The following ALOX5 variants were observed in gnomAD, a reference collection of about 807,000 sequenced individuals.
ALOX5 encodes the protein polyunsaturated fatty acid 5-lipoxygenase.
A neutral mutation model predicts 87.9 loss-of-function variants in ALOX5; 64 were observed. The ratio of observed to expected loss-of-function variants is 0.73; its 90% CI spans 0.60 to 0.90. The LOEUF (loss-of-function observed/expected upper bound fraction) is 0.90. ALOX5 is among the 40% of genes least tolerant of loss of function. ALOX5 has a pLI of 0.00. For synonymous variants in ALOX5, 388 were observed against 355.1 expected (o/e 1.09, Z -1.04); for missense variants, 822 against 907.5 (o/e 0.91, Z 1.21).
chr10:45,377,288 G>A (rs529555368), intron 1 of ALOX5, among the ~76,000 whole-genome samples: 6 of 152,018 alleles, frequency 3.9e-5, no homozygotes, highest in South Asian at 2.1e-4. Flanking sequence ...CCCTCAATCC[G>A]TCTCTCATCT....
intron 3 of ALOX5, among the ~76,000 whole-genome samples, chr10:45,396,753 G>A (rs111529049): frequency 6.6e-6 from 1 of 151,986 alleles, no homozygotes; most frequent in Non-Finnish European, 1.5e-5. Flanking sequence ...AAAACTAAAG[G>A]CATCACAAGA....
In ALOX5 at chr10:45,382,519, G is replaced by T. The variant is rs780433165; in HGVS notation, c.187G>T (p.Gly63Cys). 1.9e-6 allele frequency: 3 copies of T among 1,614,186 alleles called. No homozygotes were observed. The Admixed American group carries it at 5.0e-5, about 27-fold the overall frequency. ...CGACGTGACTGTGGACGAGGAACTG[G>T]GCGAGATCCAGCTGGTCAGAATCGA... Reference protein sequence around the residue: ...SYDVTVDEELGEIQLVRIEKR... With the variant: ...SYDVTVDEELCEIQLVRIEKR... Residue 63 changes from glycine to cysteine, a missense_variant, in exon 2 of 14, where the codon GGC becomes TGC. By Grantham distance (159) the Gly-to-Cys change is radical (BLOSUM62 -3). Coordinates refer to ENST00000374391, the MANE Select transcript of ALOX5 (RefSeq NM_000698.5).
chr10:45,434,009 G>T (rs1841990657), intron 7 of ALOX5, among the ~76,000 whole-genome samples: 1 of 152,194 alleles, frequency 6.6e-6, no homozygotes, highest in African/African-American at 2.4e-5. Flanking sequence ...CTTGGCTGTT[G>T]TTTTAGGCTG....
intron 7 of ALOX5, among the ~76,000 whole-genome samples, chr10:45,429,253 TC>T (rs1564442484): frequency 6.6e-6 from 1 of 152,012 alleles, no homozygotes; most frequent in East Asian, 1.9e-4. Flanking sequence ...GGGCTTTGTC[TC>T]CCCCTGTTCC....
chr10:45,411,950 A>G (rs765955657), intron 3 of ALOX5, among the ~76,000 whole-genome samples: 1 of 152,226 alleles, frequency 6.6e-6, no homozygotes, highest in Admixed American at 6.5e-5. Flanking sequence ...CTGTACCACT[A>G]TAAGCCCAGT....
At chr10:45,417,721 C>T (rs749633814) in intron 4 of ALOX5, among the ~76,000 whole-genome samples, 7 of 152,292 alleles carry the variant, frequency 4.6e-5, no homozygotes, top group Non-Finnish European at 8.8e-5. Context: ...TCCATAGGGA[C>T]GCACCCGCCC....
At chr10:45,440,019 G>A (rs969639832) in intron 7 of ALOX5, among the ~76,000 whole-genome samples, 4 of 152,166 alleles carry the variant, frequency 2.6e-5, no homozygotes, top group Non-Finnish European at 5.9e-5. Context: ...GGAGAGGGAG[G>A]AAAGTATGAG....
intron 6 of ALOX5, among the ~76,000 whole-genome samples, chr10:45,427,564 G>C (rs1222751998): frequency 6.6e-6 from 1 of 152,238 alleles, no homozygotes; most frequent in Non-Finnish European, 1.5e-5. Context: ...GGTCCTGCGC[G>C]CGGGCGCGGT....
chr10:45,443,716 G>C lies in ALOX5; in HGVS notation c.1574-12G>C. 6.2e-7 allele frequency: 1 copy of C among 1,610,046 alleles called. No individual in the cohort carries two copies. Among genetic ancestry groups the C allele is most frequent in the Non-Finnish European group, 8.5e-7 (1 of 1,178,588 alleles). ...GGGACTGGGCCTCAGCCCGCCGGTG[G>C]TTCCACCCTAGGCTTCCCCAAGTCG... On this transcript the variant is annotated splice_polypyrimidine_tract_variant and intron_variant, in intron 11 of 13. Transcript: ENST00000374391.
intron 2 of ALOX5, among the ~76,000 whole-genome samples, chr10:45,390,430 C>A (rs538883089): frequency 1.6e-3 from 248 of 152,318 alleles, no homozygotes; most frequent in Non-Finnish European, 2.8e-3. Context: ...AAATTGACCA[C>A]ATAGTTGGAA....
rs919359268 is a variant in ALOX5 at position 45,444,231 on chromosome 10, G to A, written c.1790G>A (p.Arg597His). The A allele has an allele frequency of 6.4e-7, 1 of 1,554,778 alleles. No individual in the cohort carries two copies. Among genetic ancestry groups the A allele is most frequent in the Non-Finnish European group, 8.7e-7 (1 of 1,149,130 alleles). The change falls in exon 13 of 14, where the codon CGC becomes CAC. Residue 597 changes from arginine to histidine, a missense_variant. Coordinates refer to ENST00000374391, the MANE Select transcript of ALOX5 (RefSeq NM_000698.5). ...GTGGACACGCTGCCCGACCGCGGCC[G>A]CTCCTGCTGGCATCTGGGTGCAGTG... ...QIVDTLPDRG[R>H]SCWHLGAVWA...
At chr10:45,423,013 T>G (rs1841559809) in intron 4 of ALOX5, among the ~76,000 whole-genome samples, 1 of 152,104 alleles carries the variant, frequency 6.6e-6, no homozygotes. Flanking sequence ...CCATCACGGG[T>G]ACCCCACCCT....
chr10:45,414,213 C>G (rs1278827737), intron 4 of ALOX5, among the ~76,000 whole-genome samples: 2 of 152,220 alleles, frequency 1.3e-5, no homozygotes, highest in African/African-American at 4.8e-5. Context: ...GTAACCAAAA[C>G]AGCATGGCAC....
chr10:45,430,560 A>T (rs1429844895), intron 7 of ALOX5, among the ~76,000 whole-genome samples: 1 of 152,072 alleles, frequency 6.6e-6, no homozygotes, highest in African/African-American at 2.4e-5. Context: ...TTGAGGCTGT[A>T]GTGTGCTATG....
In ALOX5 at chr10:45,428,612, C is replaced by G; in HGVS notation, c.835-6C>G. On this transcript the variant is annotated splice_polypyrimidine_tract_variant and splice_region_variant and intron_variant, in intron 6 of 13. Coordinates refer to ENST00000374391, the MANE Select transcript of ALOX5 (RefSeq NM_000698.5). Reference sequence around the variant, plus strand: ...TGATTTGGACACATCTCTCTGCCTCCTGCAGCAAGGGAACATTTTCATCGT... The same window carrying G: ...TGATTTGGACACATCTCTCTGCCTCGTGCAGCAAGGGAACATTTTCATCGT... 2 of 1,614,074 alleles carry G rather than the reference C, an allele frequency of 1.2e-6. No homozygotes were observed. Among genetic ancestry groups the G allele is most frequent in the Non-Finnish European group, 8.5e-7 (1 of 1,179,986 alleles).
intron 4 of ALOX5, among the ~76,000 whole-genome samples, chr10:45,422,686 A>G (rs960519094): frequency 2.0e-5 from 3 of 152,248 alleles, no homozygotes; most frequent in African/African-American, 7.2e-5. Flanking sequence ...TACAGAGGAA[A>G]TGAACAGAGA....
intron 7 of ALOX5, among the ~76,000 whole-genome samples, chr10:45,433,791 G>A (rs1280168493): frequency 6.6e-6 from 1 of 152,208 alleles, no homozygotes. Flanking sequence ...GTGGCTTGTG[G>A]GCGGGACTTC....
rs1200971672 is a variant in ALOX5, at chr10:45,440,508, T to C, written c.1060T>C (p.Trp354Arg). 3 of 1,614,136 alleles carry C rather than the reference T, an allele frequency of 1.9e-6. No homozygotes were observed. Among genetic ancestry groups the C allele is most frequent in the Admixed American group, 3.3e-5 (2 of 60,014 alleles). The change falls in exon 8 of 14, where the codon TGG becomes CGG. Residue 354 changes from tryptophan (W) to arginine (R), a missense_variant. By Grantham distance (101) the Trp-to-Arg change is moderately radical (BLOSUM62 -3). Coordinates refer to ENST00000374391, the MANE Select transcript of ALOX5 (RefSeq NM_000698.5). Reference protein sequence around the residue: ...AKYDWLLAKIWVRSSDFHVHQ... With the variant: ...AKYDWLLAKIRVRSSDFHVHQ... ...ATACGACTGGCTTTTGGCCAAAATC[T>C]GGGTGCGTTCCAGTGACTTCCACGT... is the stretch of plus-strand genomic sequence containing the variant.
rs1564439732 is a variant in ALOX5, at chr10:45,425,170, AGTCT to A, written c.834+42_834+45del. 6.3e-7 allele frequency: 1 copy of A among 1,595,548 alleles called. No individual in the cohort carries two copies. Among genetic ancestry groups the A allele is most frequent in the Middle Eastern group, 1.7e-4 (1 of 5,768 alleles). On this transcript the variant is annotated intron_variant, in intron 6 of 13. Coordinates refer to ENST00000374391, the MANE Select transcript of ALOX5 (RefSeq NM_000698.5). This position sits in a 1 kb window ranked among gnomAD's most constrained non-coding sequence, Gnocchi z 4.4. Reference sequence around the variant, plus strand: ...GGGCTGGGGAAGTGGCCAAGGTCACAGTCTGTCAGGTGGAAGCCAGTTCCTCCTG... The same window carrying A: ...GGGCTGGGGAAGTGGCCAAGGTCACAGTCAGGTGGAAGCCAGTTCCTCCTG...
Sources: allele counts gnomAD v4.1 joint callset (sites outside exome capture counted in the v4.1 genomes callset), GRCh38; gene constraint gnomAD v4.1.1; non-coding constraint Gnocchi (gnomAD v3.1); transcripts MANE v1.5; gene names NCBI Gene and HGNC (gene_info 2026-07-23, HGNC 2026-07-21).